Variants in MYLK observed in about 807,000 individuals in gnomAD.
MYLK encodes the protein myosin light chain kinase.
In MYLK, 106 loss-of-function variants were observed where a neutral mutation model predicts 203.4. That is an observed-to-expected ratio of 0.52 (90% confidence interval 0.45 to 0.61). MYLK has a LOEUF of 0.61. Ranked by LOEUF, MYLK falls within the 20% of genes least tolerant of loss-of-function variation. The probability of loss-of-function intolerance (pLI) is 0.00; values close to 1 mark genes in which losing one functional copy is unlikely to be tolerated. For missense variants in MYLK, 2,072 were observed against 2,442.3 expected, an observed-to-expected ratio of 0.85 and a Z score of 3.20; for synonymous variants, 867 against 959.5, an observed-to-expected ratio of 0.90 and a Z score of 1.78.
intron 4 of MYLK, among the ~76,000 whole-genome samples, chr3:123,780,540 T>G (rs1289988868): frequency 6.6e-6 from 1 of 152,146 alleles, no homozygotes; most frequent in Non-Finnish European, 1.5e-5. Context: ...TTTTATAGGA[T>G]GAGGAAACTA....
intron 14 of MYLK, 117 bp downstream of exon 14, chr3:123,709,639 T>C: frequency 3.0e-6 from 4 of 1,351,940 alleles, no homozygotes; most frequent in African/African-American, 1.4e-5. Flanking sequence ...CATCACCTGA[T>C]GGTCCCATCT....
intron 5 of MYLK, among the ~76,000 whole-genome samples, chr3:123,745,895 T>C (rs2062998480): frequency 6.6e-6 from 1 of 152,192 alleles, no homozygotes; most frequent in Non-Finnish European, 1.5e-5. Context: ...TCTCACTCTG[T>C]CGCCCAGGGT....
Position 123,733,904 on chromosome 3 carries a change from T to C in MYLK, c.1092A>G (p.Leu364=), listed in dbSNP as rs1295290401. 1 of 1,614,024 alleles carries C rather than the reference T, an allele frequency of 6.2e-7. No individual in the cohort carries two copies. The highest frequency in any genetic ancestry group is 8.5e-7 in the Non-Finnish European group (1 of 1,180,036). The part of the protein sequence containing the change: ...PEPRAPGLGV[L]SPSGEERKRP... ...TCTTCCTCTCTTCTCCAGAAGGTGA[T>C]AGGACCCCCAGGCCTGGTGCTCTTG... The change falls in exon 10 of 34, where the codon CTA becomes CTG. Residue 364 remains leucine, a synonymous_variant. Transcript: ENST00000360304.
intron 20 of MYLK, among the ~76,000 whole-genome samples, chr3:123,670,361 T>A (rs2059876105): frequency 6.6e-6 from 1 of 152,078 alleles, no homozygotes. Flanking sequence ...GAATAGACAG[T>A]GGCTCAGAGG....
chr3:123,881,645 C>T (rs2033546910), intron 1 of MYLK, among the ~76,000 whole-genome samples: 1 of 152,134 alleles, frequency 6.6e-6, no homozygotes, highest in African/African-American at 2.4e-5. Flanking sequence ...CTGAAACCCC[C>T]ACCCCACCTT....
chr3:123,797,904 A>G (rs2065047527), intron 3 of MYLK, among the ~76,000 whole-genome samples: 1 of 152,216 alleles, frequency 6.6e-6, no homozygotes, highest in Non-Finnish European at 1.5e-5. Flanking sequence ...ATATAGATAT[A>G]GACCCTTTCA....
chr3:123,874,345 T>C (rs2033013898), intron 2 of MYLK, among the ~76,000 whole-genome samples: 1 of 152,176 alleles, frequency 6.6e-6, no homozygotes. Flanking sequence ...CACACATACA[T>C]GCTCAACTGA....
At chr3:123,733,187 G>A (rs2062548498) in intron 10 of MYLK, 85 bp from the exon 11 acceptor site, 2 of 1,445,382 alleles carry the variant, frequency 1.4e-6, no homozygotes, top group Non-Finnish European at 1.9e-6. Context: ...GGTGTGAGCT[G>A]GAGGAAAGGG....
intron 31 of MYLK, chr3:123,624,987 G>T (rs751023081): frequency 1.3e-5 from 2 of 152,212 alleles, no homozygotes; most frequent in Non-Finnish European, 2.9e-5. Context: ...CCAACACAGT[G>T]ATTTCCCTTT....
chr3:123,759,492 G>A (rs74942957), intron 4 of MYLK, among the ~76,000 whole-genome samples: 8 of 152,332 alleles, frequency 5.3e-5, no homozygotes, highest in African/African-American at 9.6e-5. Flanking sequence ...GTGGTTTGAC[G>A]TGGTTTTGAT....
At chr3:123,776,814 T>C (rs1401117126) in intron 4 of MYLK, among the ~76,000 whole-genome samples, 3 of 152,258 alleles carry the variant, frequency 2.0e-5, no homozygotes, top group African/African-American at 7.2e-5. Context: ...AAATTACTCA[T>C]GATCACAGTT....
At chr3:123,860,455 C>A (rs1388847035) in intron 2 of MYLK, among the ~76,000 whole-genome samples, 1 of 152,174 alleles carries the variant, frequency 6.6e-6, no homozygotes, top group Non-Finnish European at 1.5e-5. Flanking sequence ...AATAAAGACC[C>A]ACCTTCTCTA....
chr3:123,810,500 C>A (rs2065521142), intron 3 of MYLK, among the ~76,000 whole-genome samples: 1 of 152,224 alleles, frequency 6.6e-6, no homozygotes, highest in African/African-American at 2.4e-5. Flanking sequence ...GCCCTCTCTG[C>A]TTCATTTCTG....
intron 2 of MYLK, among the ~76,000 whole-genome samples, chr3:123,832,284 G>A (rs569435252): frequency 2.0e-5 from 3 of 152,192 alleles, no homozygotes; most frequent in African/African-American, 7.2e-5. Flanking sequence ...GGCTCCTGAA[G>A]TTCCCCCTTC....
chr3:123,800,948 A>G (rs2065175448), intron 3 of MYLK, among the ~76,000 whole-genome samples: 1 of 152,256 alleles, frequency 6.6e-6, no homozygotes, highest in Non-Finnish European at 1.5e-5. Flanking sequence ...AGTATTGGAA[A>G]TTAAAACTGG....
intron 20 of MYLK, among the ~76,000 whole-genome samples, chr3:123,676,724 A>G (rs2060082919): frequency 6.6e-6 from 1 of 152,256 alleles, no homozygotes; most frequent in Non-Finnish European, 1.5e-5. Flanking sequence ...CCCTTGGAGC[A>G]TGGGAACTTA....
Position 123,772,556 on chromosome 3 carries a change from A to C in MYLK, c.166-20018T>G, listed in dbSNP as rs150712720. 4.3e-3 allele frequency among the ~76,000 whole-genome samples: 650 copies of C among 152,248 alleles called. 11 individuals are homozygous for C. Among genetic ancestry groups the C allele is most frequent in the African/African-American group, 0.014 (571 of 41,586 alleles). Reference sequence around the variant, plus strand: ...TAGTGGAAAGCATAAAGATATGTGAACACTAAAATTTAAAATTTCTGTACA... The same window carrying C: ...TAGTGGAAAGCATAAAGATATGTGACCACTAAAATTTAAAATTTCTGTACA... On this transcript the variant is annotated intron_variant, in intron 4 of 33. Transcript: ENST00000360304.
At chr3:123,735,209 C>A in intron 9 of MYLK, 189 bp downstream of exon 9, 2 of 764,238 alleles carry the variant, frequency 2.6e-6, no homozygotes, top group South Asian at 1.5e-5. Flanking sequence ...TGACAGCAAC[C>A]TGAGATAGAA....
intron 3 of MYLK, among the ~76,000 whole-genome samples, chr3:123,828,412 T>G (rs2066208305): frequency 6.6e-6 from 1 of 151,992 alleles, no homozygotes; most frequent in South Asian, 2.1e-4. Context: ...TGCAGAAGAA[T>G]AAGACTAGAC....
Sources: gnomAD v4.1 joint callset for allele counts (sites outside exome capture counted in the v4.1 genomes callset) on GRCh38, gnomAD v4.1.1 for gene constraint, MANE v1.5 for transcripts, NCBI Gene and HGNC (gene_info 2026-07-23, HGNC 2026-07-21) for gene names.